The following IL20RA variants were observed in gnomAD, a reference collection of about 807,000 sequenced individuals.
IL20RA encodes the protein interleukin-20 receptor subunit alpha.
Under a neutral mutation model 36.5 loss-of-function variants are expected in IL20RA, and 29 were observed. That is an observed-to-expected ratio of 0.79 (90% CI 0.59 to 1.08). IL20RA has a LOEUF of 1.08. IL20RA is among the 50% of genes least tolerant of loss of function. The pLI, the probability that IL20RA is intolerant of heterozygous loss-of-function variation, is 0.00. For synonymous variants in IL20RA, 279 were observed against 267.1 expected, an observed-to-expected ratio of 1.04 and a Z score of -0.43; for missense variants, 652 against 668.4, an observed-to-expected ratio of 0.98 and a Z score of 0.27.
At chr6:137,003,249 T>C (rs535495119) in intron 6 of IL20RA, among the ~76,000 whole-genome samples, 12 of 152,324 alleles carry the variant, frequency 7.9e-5, no homozygotes, top group African/African-American at 2.2e-4. Flanking sequence ...GGCAGAATCA[T>C]AGAAAAACTT....
At chr6:137,005,960 C>T (rs1020704170) in intron 5 of IL20RA, among the ~76,000 whole-genome samples, 7 of 152,122 alleles carry the variant, frequency 4.6e-5, no homozygotes, top group African/African-American at 1.7e-4. Context: ...ATAAATATAT[C>T]GATATGTGCA....
chr6:137,004,705 A>G lies in IL20RA; in HGVS notation c.780T>C (p.Ser260=). The stretch of plus-strand genomic sequence containing the variant: ...TCACAGAAAAAAGAAACACGGTAAT[A>G]GATACGGGCAAAACATACCAGAAGA... The part of the protein sequence containing the change: ...KIIFWYVLPV[S]ITVFLFSVMG... Residue 260 remains serine, a synonymous_variant, in exon 6 of 7, where the codon TCT becomes TCC. Transcript: ENST00000316649. 2 of 1,611,418 alleles carry G rather than the reference A, an allele frequency of 1.2e-6. No homozygotes were observed. The highest frequency in any genetic ancestry group is 1.7e-6 in the Non-Finnish European group (2 of 1,178,582).
At position 137,001,467 on chromosome 6, in the gene IL20RA, ACTT is replaced by A. The variant is rs1401635558; in HGVS notation, c.*88_*90del. ...CACAGACACTGACAAACTGGAAAAA[ACTT>A]CTTTCATCCCAGGTACTTTATGGCT... On this transcript the variant is annotated 3_prime_UTR_variant, in exon 7 of 7. Transcript: ENST00000316649. 1.6e-6 allele frequency: 2 copies of A among 1,222,452 alleles called. No homozygotes were observed. Among genetic ancestry groups the A allele is most frequent in the Non-Finnish European group, 2.3e-6 (2 of 876,660 alleles). The allele number at this position is 1,222,452 out of a possible 1,614,324, so 75.7% of individuals were successfully genotyped here. A position where few individuals can be genotyped will look rare whatever the true frequency, so the allele number is the denominator to read the frequency against.
intron 5 of IL20RA, among the ~76,000 whole-genome samples, chr6:137,005,683 T>A (rs1185653383): frequency 1.3e-5 from 2 of 152,120 alleles, no homozygotes; most frequent in African/African-American, 4.8e-5. Flanking sequence ...AATGGGAGTC[T>A]AACATTTCAA....
intron 1 of IL20RA, among the ~76,000 whole-genome samples, chr6:137,017,560 AT>A (rs1775747408): frequency 6.6e-6 from 1 of 152,210 alleles, no homozygotes; most frequent in Non-Finnish European, 1.5e-5. Context: ...TAATAAAATG[AT>A]TGTTTTAAAC....
intron 2 of IL20RA, among the ~76,000 whole-genome samples, chr6:137,015,202 C>T (rs934781965): frequency 6.6e-6 from 1 of 152,142 alleles, no homozygotes; most frequent in Non-Finnish European, 1.5e-5. Flanking sequence ...ATTTATGATA[C>T]ACAGTTCCAA....
At chr6:137,014,709 C>T (rs1022692934) in intron 2 of IL20RA, among the ~76,000 whole-genome samples, 1 of 152,044 alleles carries the variant, frequency 6.6e-6, no homozygotes, top group Non-Finnish European at 1.5e-5. Context: ...TTCCCCCCCC[C>T]TTTTCCACCT....
chr6:137,015,607 T>C (rs1029575011), intron 2 of IL20RA, among the ~76,000 whole-genome samples: 1 of 152,176 alleles, frequency 6.6e-6, no homozygotes, highest in South Asian at 2.1e-4. Flanking sequence ...CAAATGGATA[T>C]AAGAATAGGG....
chr6:137,042,559 T>TGACA (rs1443106206), intron 1 of IL20RA, among the ~76,000 whole-genome samples: 1 of 152,174 alleles, frequency 6.6e-6, no homozygotes, highest in African/African-American at 2.4e-5. Flanking sequence ...CAAGAGTGAA[T>TGACA]GACAGCGTGT....
intron 5 of IL20RA, among the ~76,000 whole-genome samples, chr6:137,006,411 C>T (rs1453923432): frequency 1.3e-5 from 2 of 152,232 alleles, no homozygotes; most frequent in Non-Finnish European, 2.9e-5. Context: ...GTCCAACCCT[C>T]TTAATACAAT....
chr6:137,036,670 C>T (rs1234424659), intron 1 of IL20RA, among the ~76,000 whole-genome samples: 1 of 151,034 alleles, frequency 6.6e-6, no homozygotes, highest in Non-Finnish European at 1.5e-5. Flanking sequence ...TCACAGCCTT[C>T]AGAAAGAACC....
intron 1 of IL20RA, among the ~76,000 whole-genome samples, chr6:137,034,663 A>G (rs1325037230): frequency 6.6e-6 from 1 of 152,128 alleles, no homozygotes; most frequent in Non-Finnish European, 1.5e-5. Context: ...CATGTGGGCC[A>G]GGTGCGGTGG....
At position 137,004,613 on chromosome 6, in the gene IL20RA, G is replaced by A. The variant is rs1427172195; in HGVS notation, c.864+8C>T. The A allele has an allele frequency of 1.9e-6, 3 of 1,613,300 alleles. No homozygotes were observed. The highest frequency in any genetic ancestry group is 2.5e-6 in the Non-Finnish European group (3 of 1,179,430). On this transcript the variant is annotated splice_region_variant and intron_variant, in intron 6 of 6. Transcript: ENST00000316649. ...ATAATAAAGAACCCTGCCACACCAA[G>A]TACTCACCAAATTTGCTGGGTGTTT...
chr6:137,013,153 T>C (rs1775556902), intron 2 of IL20RA, among the ~76,000 whole-genome samples: 2 of 152,198 alleles, frequency 1.3e-5, no homozygotes, highest in African/African-American at 4.8e-5. Context: ...ACCATTCCAT[T>C]CCTTTCCATT....
chr6:137,027,399 C>T (rs1252002769), intron 1 of IL20RA, among the ~76,000 whole-genome samples: 1 of 152,216 alleles, frequency 6.6e-6, no homozygotes, highest in Non-Finnish European at 1.5e-5. Context: ...TGTAATAATA[C>T]TGTCCATTCT....
At chr6:137,043,270 T>G (rs1776768643) in intron 1 of IL20RA, among the ~76,000 whole-genome samples, 1 of 152,144 alleles carries the variant, frequency 6.6e-6, no homozygotes, top group African/African-American at 2.4e-5. Context: ...TTTTTATTTT[T>G]TTAATGTTTA....
rs1775727019 is a variant in IL20RA at position 137,017,198 on chromosome 6, G to A, written c.89-95C>T. 6 of 928,972 alleles carry A rather than the reference G, an allele frequency of 6.5e-6. 1 individual carries two copies. The highest frequency in any genetic ancestry group is 3.1e-5 in the South Asian group (2 of 64,246). The allele number at this position is 928,972 out of a possible 1,614,324, so 57.5% of individuals were successfully genotyped here. A position where few individuals can be genotyped will look rare whatever the true frequency, so the allele number is the denominator to read the frequency against. On this transcript the variant is annotated intron_variant, in intron 1 of 6. Transcript: ENST00000316649. The stretch of plus-strand genomic sequence containing the variant: ...AGTCTCCAGAGATGGCCCCCAATAC[G>A]GCCTTCCAGTATGCATGCCCTATGT...
intron 5 of IL20RA, among the ~76,000 whole-genome samples, chr6:137,007,900 T>C (rs1295051370): frequency 6.6e-6 from 1 of 152,210 alleles, no homozygotes; most frequent in Non-Finnish European, 1.5e-5. Flanking sequence ...AGAATAATGC[T>C]TTGTTTCTAG....
intron 1 of IL20RA, among the ~76,000 whole-genome samples, chr6:137,038,357 C>T (rs550449826): frequency 1.3e-5 from 2 of 151,546 alleles, no homozygotes; most frequent in South Asian, 4.2e-4. Context: ...CTAGGCATTA[C>T]CAAGCCTGGC....
Sources: allele counts gnomAD v4.1 joint callset (sites outside exome capture counted in the v4.1 genomes callset), GRCh38; gene constraint gnomAD v4.1.1; transcripts MANE v1.5; gene names NCBI Gene and HGNC (gene_info 2026-07-23, HGNC 2026-07-21).